The following PTPRT variants were observed in gnomAD, a reference collection of about 807,000 sequenced individuals.
The protein encoded by PTPRT is receptor-type tyrosine-protein phosphatase T.
Under a neutral mutation model 176.8 loss-of-function variants are expected in PTPRT, and 56 were observed. That is an observed-to-expected ratio of 0.32 (90% confidence interval 0.26 to 0.40). The LOEUF (loss-of-function observed/expected upper bound fraction) is 0.40, where lower values mean the gene tolerates loss of function less well. Among genes scored for constraint, PTPRT ranks in the 10% least tolerant of loss-of-function variants. The probability of loss-of-function intolerance (pLI) is 1.00; values close to 1 mark genes in which losing one functional copy is unlikely to be tolerated. For missense variants in PTPRT, 1,540 were observed against 1,908.2 expected (o/e 0.81, Z 3.60); for synonymous variants, 783 against 739.0 (o/e 1.06, Z -0.96).
At chr20:42,684,811 C>T (rs2075664094) in intron 6 of PTPRT, among the ~76,000 whole-genome samples, 1 of 152,126 alleles carries the variant, frequency 6.6e-6, no homozygotes, top group South Asian at 2.1e-4. Context: ...AGACTAAAAA[C>T]TCTGGTTCCA....
At chr20:42,047,879 T>C in the PTPRT span, among the ~76,000 whole-genome samples, 3 of 152,252 alleles carry the variant, frequency 2.0e-5, no homozygotes, top group Non-Finnish European at 4.4e-5. Context: ...CAGTGCCCAA[T>C]ATCATCTTCC....
chr20:42,328,571 A>G (rs1003882543), intron 11 of PTPRT, among the ~76,000 whole-genome samples: 2 of 152,186 alleles, frequency 1.3e-5, no homozygotes, highest in Non-Finnish European at 2.9e-5. Flanking sequence ...TCATATAAGT[A>G]GATACCAAAA....
chr20:43,055,382 G>C (rs1228512578), intron 1 of PTPRT, among the ~76,000 whole-genome samples: 1 of 152,156 alleles, frequency 6.6e-6, no homozygotes, highest in Admixed American at 6.5e-5. Context: ...AAACGTCGAG[G>C]AAACATCTGG....
intron 1 of PTPRT, among the ~76,000 whole-genome samples, chr20:42,931,292 C>G (rs1979832025): frequency 6.6e-6 from 1 of 152,042 alleles, no homozygotes; most frequent in South Asian, 2.1e-4. Context: ...GGTGAGAGAT[C>G]TCTTTCTCTT....
chr20:42,336,879 T>C (rs1387757291), intron 11 of PTPRT, among the ~76,000 whole-genome samples: 1 of 152,136 alleles, frequency 6.6e-6, no homozygotes, highest in Non-Finnish European at 1.5e-5. Flanking sequence ...GTGTTTAGAC[T>C]AGGAAATAGA....
At chr20:42,956,742 TGA>T (rs765959257) in intron 1 of PTPRT, among the ~76,000 whole-genome samples, 5 of 151,962 alleles carry the variant, frequency 3.3e-5, no homozygotes, top group Admixed American at 6.6e-5. Context: ...CTAGGGGAAA[TGA>T]GACAGTCAGT....
chr20:42,393,432 A>G (rs950967656), intron 9 of PTPRT, among the ~76,000 whole-genome samples: 2 of 152,188 alleles, frequency 1.3e-5, no homozygotes, highest in Non-Finnish European at 2.9e-5. Flanking sequence ...AGATGAACCA[A>G]CCACGAAGGA....
At chr20:42,578,047 C>T (rs142338424) in intron 7 of PTPRT, among the ~76,000 whole-genome samples, 30 of 152,044 alleles carry the variant, frequency 2.0e-4, no homozygotes, top group South Asian at 8.3e-4. Context: ...CCATCTGACC[C>T]TGAGATCCTC....
chr20:42,182,595 C>T (rs1990567330), intron 16 of PTPRT, among the ~76,000 whole-genome samples: 1 of 152,158 alleles, frequency 6.6e-6, no homozygotes, highest in Non-Finnish European at 1.5e-5. Context: ...GGAATTTCAT[C>T]TAACCTAGAT....
intron 2 of PTPRT, among the ~76,000 whole-genome samples, chr20:42,844,074 C>T (rs1047728669): frequency 2.0e-5 from 3 of 152,170 alleles, no homozygotes; most frequent in African/African-American, 7.2e-5. Flanking sequence ...ACAACATTTA[C>T]GCAGGTGAGC....
At chr20:42,204,161 T>C (rs2055392293) in intron 15 of PTPRT, among the ~76,000 whole-genome samples, 1 of 152,200 alleles carries the variant, frequency 6.6e-6, no homozygotes, top group Admixed American at 6.5e-5. Flanking sequence ...CCTGGAATAT[T>C]CGTAACTAGA....
chr20:43,088,727 C>T (rs2011707156), intron 1 of PTPRT, among the ~76,000 whole-genome samples: 1 of 152,188 alleles, frequency 6.6e-6, no homozygotes, highest in African/African-American at 2.4e-5. Flanking sequence ...GTGGTCTGCA[C>T]ACCTTGCTTG....
intron 9 of PTPRT, among the ~76,000 whole-genome samples, chr20:42,419,896 G>A (rs192325738): frequency 6.8e-4 from 104 of 152,248 alleles, no homozygotes; most frequent in African/African-American, 2.2e-3. Context: ...TAGCGAGAAC[G>A]CCACGTGGAG....
intron 17 of PTPRT, among the ~76,000 whole-genome samples, chr20:42,146,027 C>T (rs1349086157): frequency 6.6e-6 from 1 of 152,124 alleles, no homozygotes; most frequent in Non-Finnish European, 1.5e-5. Context: ...CTTCTTGCTC[C>T]TCATTCTACC....
chr20:42,298,818 G>A (rs936740792), intron 12 of PTPRT, among the ~76,000 whole-genome samples: 1 of 152,080 alleles, frequency 6.6e-6, no homozygotes, highest in Non-Finnish European at 1.5e-5. Flanking sequence ...CCACTTGAGA[G>A]GCTGAGCCAG....
intron 13 of PTPRT, among the ~76,000 whole-genome samples, chr20:42,251,326 C>T (rs1156498931): frequency 6.6e-6 from 1 of 152,114 alleles, no homozygotes; most frequent in Non-Finnish European, 1.5e-5. Flanking sequence ...TCTAATGAGA[C>T]TCATACTTCA....
intron 6 of PTPRT, among the ~76,000 whole-genome samples, chr20:42,737,181 C>T (rs958674086): frequency 5.3e-5 from 8 of 152,086 alleles, no homozygotes; most frequent in Admixed American, 5.2e-4. Context: ...AGAAGGTGGG[C>T]CCCAAATCAA....
At chr20:42,510,203 C>T (rs1418908426) in intron 7 of PTPRT, among the ~76,000 whole-genome samples, 3 of 151,944 alleles carry the variant, frequency 2.0e-5, no homozygotes, top group Admixed American at 6.6e-5. Flanking sequence ...AGTTCAGGGC[C>T]CCGTTGTGTT....
At chr20:42,842,287 A>G (rs939195749) in intron 2 of PTPRT, among the ~76,000 whole-genome samples, 6 of 152,238 alleles carry the variant, frequency 3.9e-5, no homozygotes, top group East Asian at 3.8e-4. Flanking sequence ...AGAAGAGTGC[A>G]GTGTCTACAA....
Sources: allele counts gnomAD v4.1 joint callset (sites outside exome capture counted in the v4.1 genomes callset), GRCh38; gene constraint gnomAD v4.1.1; transcripts MANE v1.5; gene names NCBI Gene and HGNC (gene_info 2026-07-23, HGNC 2026-07-21).